The following DOCK1 variants were observed in gnomAD, a reference collection of about 807,000 sequenced individuals.
DOCK1 encodes the protein dedicator of cytokinesis 1.
In DOCK1, 138 loss-of-function variants were observed where a neutral mutation model predicts 262.7. The ratio of observed to expected loss-of-function variants is 0.53; its 90% confidence interval spans 0.46 to 0.61. DOCK1 has a LOEUF of 0.61. Among genes scored for constraint, DOCK1 ranks in the 20% least tolerant of loss-of-function variants. The pLI, the probability that DOCK1 is intolerant of heterozygous loss-of-function variation, is 0.00. For synonymous variants in DOCK1, 866 were observed against 867.4 expected, an observed-to-expected ratio of 1.00 and a Z score of 0.03; for missense variants, 1,908 against 2,370.7, an observed-to-expected ratio of 0.80 and a Z score of 4.05.
intron 27 of DOCK1, among the ~76,000 whole-genome samples, chr10:127,237,573 T>C (rs968294105): frequency 1.3e-5 from 2 of 152,148 alleles, no homozygotes; most frequent in African/African-American, 4.8e-5. Flanking sequence ...GGTGGAGCTT[T>C]ATGTGCAAAA....
At chr10:127,394,049 T>C (rs1378574792) in intron 38 of DOCK1, among the ~76,000 whole-genome samples, 1 of 152,190 alleles carries the variant, frequency 6.6e-6, no homozygotes, top group South Asian at 2.1e-4. Context: ...GCCTAGTAAT[T>C]TTCGATAAAG....
chr10:127,415,954 C>T (rs1214588339), intron 44 of DOCK1, among the ~76,000 whole-genome samples: 1 of 152,236 alleles, frequency 6.6e-6, no homozygotes, highest in African/African-American at 2.4e-5. Context: ...CTTTTGTTTT[C>T]ACCTGGCAAG....
At chr10:127,052,884 C>T in intron 22 of DOCK1, 69 bp downstream of exon 22, 3 of 1,543,388 alleles carry the variant, frequency 1.9e-6, no homozygotes, top group South Asian at 1.2e-5. Flanking sequence ...TTCTTTCCTT[C>T]CCCTTCTCTC....
rs561089919 is a variant in DOCK1, at chr10:127,434,899, G to A, written c.5060+1471G>A. ...GATCTCCTGACCTCATGATCCGCCC[G>A]CCTCGGCCTCCCAAAATGCTGGGAT... is the stretch of plus-strand genomic sequence containing the variant. On this transcript the variant is annotated intron_variant, in intron 48 of 51. Coordinates refer to ENST00000623213, the MANE Select transcript of DOCK1 (RefSeq NM_001290223.2). 2.5e-3 allele frequency among the ~76,000 whole-genome samples: 377 copies of A among 152,170 alleles called. 5 individuals are homozygous for A. Among genetic ancestry groups the A allele is most frequent in the East Asian group, 1.6e-3 (8 of 5,160 alleles).
chr10:127,026,302 G>A (rs754526628), intron 15 of DOCK1, 50 bp from the exon 16 acceptor site: 27 of 1,499,280 alleles, frequency 1.8e-5, no homozygotes, highest in Non-Finnish European at 2.4e-5. Context: ...AAGCTGTTAC[G>A]CTGGATGATA....
At chr10:127,350,667 C>T (rs1481197711) in intron 31 of DOCK1, among the ~76,000 whole-genome samples, 1 of 152,136 alleles carries the variant, frequency 6.6e-6, no homozygotes, top group East Asian at 1.9e-4. Flanking sequence ...TCCTACCATG[C>T]TCATAGCCCA....
Position 127,400,345 on chromosome 10 carries a change from C to T in DOCK1, c.3928-2710C>T, listed in dbSNP as rs573108482. On this transcript the variant is annotated intron_variant, in intron 38 of 51. Transcript: ENST00000623213. ...GAAAGGAAAGGCAAAGGCCAGTGAG[C>T]GGGTGGGGGCTCAGTGCCATGGGTG... is the stretch of plus-strand genomic sequence containing the variant. 4.7e-4 allele frequency among the ~76,000 whole-genome samples: 72 copies of T among 152,274 alleles called. 1 individual carries two copies. Among genetic ancestry groups the T allele is most frequent in the Non-Finnish European group, 9.0e-4 (61 of 68,016 alleles).
intron 29 of DOCK1, among the ~76,000 whole-genome samples, chr10:127,332,607 G>T (rs1236931767): frequency 6.6e-6 from 1 of 152,148 alleles, no homozygotes; most frequent in African/African-American, 2.4e-5. Context: ...AAACTTTCTA[G>T]TGACATTGGT....
chr10:126,965,195 G>A (rs2037572364), intron 1 of DOCK1, among the ~76,000 whole-genome samples: 1 of 152,122 alleles, frequency 6.6e-6, no homozygotes, highest in African/African-American at 2.4e-5. Context: ...TCTTGGTAGG[G>A]GGAGAAATAA....
chr10:127,027,583 C>CT (rs1346808312), intron 16 of DOCK1, among the ~76,000 whole-genome samples: 23 of 140,534 alleles, frequency 1.6e-4, no homozygotes, highest in Admixed American at 3.7e-4. Flanking sequence ...GAGACCCTGT[C>CT]TCAAAAACAA....
chr10:127,207,092 A>G (rs144448412), intron 27 of DOCK1, among the ~76,000 whole-genome samples: 1 of 152,278 alleles, frequency 6.6e-6, no homozygotes, highest in Admixed American at 6.5e-5. Context: ...GCCAGAAGAA[A>G]CTGAACCTTT....
intron 44 of DOCK1, among the ~76,000 whole-genome samples, chr10:127,417,696 C>A (rs1717054263): frequency 6.6e-6 from 1 of 152,200 alleles, no homozygotes; most frequent in Non-Finnish European, 1.5e-5. Flanking sequence ...CTGCCTTAGC[C>A]TCCCGAGTAG....
At chr10:127,411,074 C>G in intron 43 of DOCK1, 150 bp downstream of exon 43, 1 of 782,302 alleles carries the variant, frequency 1.3e-6, no homozygotes, top group Non-Finnish European at 2.0e-6. Flanking sequence ...TAATCTATTA[C>G]CCCCTCCAAA....
rs969212010 is a variant in DOCK1 at position 126,964,287 on chromosome 10, G to T, written c.47-6415G>T. Among the ~76,000 whole-genome samples the T allele has an allele frequency of 3.0e-3, 459 of 152,294 alleles. 4 individuals are homozygous for T. The highest frequency in any genetic ancestry group is 0.01 in the African/African-American group (432 of 41,554). On this transcript the variant is annotated intron_variant, in intron 1 of 51. Coordinates refer to ENST00000623213, the MANE Select transcript of DOCK1 (RefSeq NM_001290223.2). ...AGCTTAGGCTGATTTCCTCTCTGGG[G>T]TTACATCTGGCTTATCTCCTCTCTC...
At chr10:127,416,615 C>G (rs946644591) in intron 44 of DOCK1, among the ~76,000 whole-genome samples, 1 of 152,192 alleles carries the variant, frequency 6.6e-6, no homozygotes, top group Non-Finnish European at 1.5e-5. Flanking sequence ...GCTACCAAAC[C>G]CTGATGCCCT....
chr10:127,004,897 T>G (rs2040897958), intron 10 of DOCK1, among the ~76,000 whole-genome samples: 1 of 152,032 alleles, frequency 6.6e-6, no homozygotes, highest in Non-Finnish European at 1.5e-5. Flanking sequence ...GACTGGCAGT[T>G]TGCTGCCACC....
At chr10:126,914,090 A>T (rs75044127) in intron 1 of DOCK1, among the ~76,000 whole-genome samples, 575 of 152,310 alleles carry the variant, frequency 3.8e-3, no homozygotes, top group African/African-American at 0.013. Flanking sequence ...CTCTAGCTTA[A>T]TTCAGGCTCT....
intron 27 of DOCK1, among the ~76,000 whole-genome samples, chr10:127,170,259 A>T (rs1217742109): frequency 1.3e-5 from 2 of 152,104 alleles, no homozygotes; most frequent in African/African-American, 4.8e-5. Flanking sequence ...GAATTAGTAA[A>T]GTCACAAAGC....
At chr10:127,261,236 T>C (rs111164568) in intron 29 of DOCK1, among the ~76,000 whole-genome samples, 1 of 115,160 alleles carries the variant, frequency 8.7e-6, no homozygotes, top group Admixed American at 9.2e-5. Flanking sequence ...GGTGTGCGTG[T>C]GTGTACCTGC....
Sources: gnomAD v4.1 joint callset for allele counts (sites outside exome capture counted in the v4.1 genomes callset) on GRCh38, gnomAD v4.1.1 for gene constraint, MANE v1.5 for transcripts, NCBI Gene and HGNC (gene_info 2026-07-23, HGNC 2026-07-21) for gene names.